Variants in MED27 observed in about 807,000 individuals in gnomAD.
The protein encoded by MED27 is mediator complex subunit 27, also known as mediator of RNA polymerase II transcription subunit 27.
MED27 carries 30 observed loss-of-function variants against 38.2 expected under a neutral mutation model. The observed-to-expected ratio is 0.79, with a 90% confidence interval of 0.59 to 1.07. The LOEUF (loss-of-function observed/expected upper bound fraction) is 1.07. Ranked by LOEUF, MED27 falls within the 50% of genes least tolerant of loss-of-function variation. The pLI is 0.00. For synonymous variants in MED27, 122 were observed against 153.5 expected (o/e 0.79, Z 1.52); for missense variants, 289 against 397.5 (o/e 0.73, Z 2.32).
intron 2 of MED27, among the ~76,000 whole-genome samples, chr9:132,054,965 C>T (rs1350201194): frequency 6.6e-6 from 1 of 152,186 alleles, no homozygotes; most frequent in Non-Finnish European, 1.5e-5. Context: ...AGGGTACCCT[C>T]ACCAGTGCTG....
rs1234983762 is a variant in MED27 at position 131,940,859 on chromosome 9, C to T, written c.480-1385G>A. On this transcript the variant is annotated intron_variant, in intron 3 of 7. Coordinates refer to ENST00000292035, the MANE Select transcript of MED27 (RefSeq NM_004269.4). ...TGGAGATATCCCACCAAAAGGGAAT[C>T]CTCTATTCTTATACCCAGATGAAAC... 5.3e-5 allele frequency among the ~76,000 whole-genome samples: 8 copies of T among 152,218 alleles called. No individual in the cohort carries two copies. In the East Asian group the frequency reaches 1.3e-3, roughly 26 times the overall value.
chr9:131,866,761 C>G (rs144562028), intron 6 of MED27, among the ~76,000 whole-genome samples: 1 of 152,326 alleles, frequency 6.6e-6, no homozygotes, highest in Non-Finnish European at 1.5e-5. Flanking sequence ...TGAGTGATTG[C>G]CATCGTTCAA....
intron 5 of MED27, among the ~76,000 whole-genome samples, chr9:131,885,402 C>T (rs1839121748): frequency 6.6e-6 from 1 of 152,214 alleles, no homozygotes; most frequent in South Asian, 2.1e-4. Flanking sequence ...TGCTCAGTTC[C>T]TCCCCTAGAG....
intron 3 of MED27, among the ~76,000 whole-genome samples, chr9:131,944,023 C>CT (rs917918647): frequency 2.0e-4 from 30 of 152,178 alleles, no homozygotes; most frequent in Non-Finnish European, 1.9e-4. Context: ...TTCCAATCCA[C>CT]TTTTTTCCAG....
rs988788308 is a variant in MED27 at position 131,861,653 on chromosome 9, C to G, written c.802-981G>C. On this transcript the variant is annotated intron_variant, in intron 7 of 7. Coordinates refer to ENST00000292035, the MANE Select transcript of MED27 (RefSeq NM_004269.4). The surrounding 1 kb of genome is among the most constrained non-coding windows in gnomAD (Gnocchi z 4.4). ...TCCCTAAGTAGAAGAAGTTCTGTCT[C>G]TGCCACAAATAGTACTCATGTCTGT... 1.1e-4 allele frequency among the ~76,000 whole-genome samples: 16 copies of G among 152,220 alleles called. No individual in the cohort carries two copies. The highest frequency in any genetic ancestry group is 2.7e-4 in the African/African-American group (11 of 41,454).
At chr9:131,949,213 G>A (rs866949346) in intron 3 of MED27, among the ~76,000 whole-genome samples, 58 of 152,266 alleles carry the variant, frequency 3.8e-4, no homozygotes, top group African/African-American at 1.3e-3. Flanking sequence ...TTCTAGGAAT[G>A]ACATTAAGTA....
At chr9:132,009,918 GT>G (rs1164360223) in intron 3 of MED27, among the ~76,000 whole-genome samples, 1 of 152,180 alleles carries the variant, frequency 6.6e-6, no homozygotes, top group East Asian at 1.9e-4. Context: ...TGATGGGGTT[GT>G]TTTTTCTTGT....
At chr9:131,868,194 A>G (rs543289714) in intron 6 of MED27, among the ~76,000 whole-genome samples, 33 of 152,310 alleles carry the variant, frequency 2.2e-4, no homozygotes, top group African/African-American at 7.2e-4. Context: ...TATAGTAGCT[A>G]TTATTAATAA....
intron 3 of MED27, among the ~76,000 whole-genome samples, chr9:131,955,547 T>C (rs79605625): frequency 6.6e-6 from 1 of 152,150 alleles, no homozygotes; most frequent in South Asian, 2.1e-4. Flanking sequence ...GGAAGATAAT[T>C]TATCAATATC....
chr9:132,015,529 T>C (rs1043373344), intron 2 of MED27, among the ~76,000 whole-genome samples: 2 of 152,068 alleles, frequency 1.3e-5, no homozygotes, highest in South Asian at 2.1e-4. Context: ...GTTTAATGAG[T>C]TTTGACAAAT....
chr9:131,961,680 T>C (rs1831217995), intron 3 of MED27, among the ~76,000 whole-genome samples: 1 of 152,222 alleles, frequency 6.6e-6, no homozygotes, highest in South Asian at 2.1e-4. Flanking sequence ...TTTCGTGAAC[T>C]AGCGAAGGAG....
chr9:131,979,566 T>C (rs547159356), intron 3 of MED27, among the ~76,000 whole-genome samples: 1 of 151,798 alleles, frequency 6.6e-6, no homozygotes, highest in South Asian at 2.1e-4. Flanking sequence ...AGCCTGGTCT[T>C]AATGCTATCT....
chr9:131,909,891 T>C (rs1830156617), intron 4 of MED27, among the ~76,000 whole-genome samples: 1 of 152,228 alleles, frequency 6.6e-6, no homozygotes, highest in African/African-American at 2.4e-5. Flanking sequence ...AATTAAACTG[T>C]AGTTTGTTTG....
rs1011962472 is a variant in MED27 at position 131,917,219 on chromosome 9, G to A, written c.573+22162C>T. 6.6e-6 allele frequency among the ~76,000 whole-genome samples: 1 copy of A among 152,142 alleles called. No individual in the cohort carries two copies. The highest frequency in any genetic ancestry group is 1.5e-5 in the Non-Finnish European group (1 of 68,024). Reference sequence around the variant, plus strand: ...ATACGCTGGCCAGTTCCATAGACTGGAACTGAAATTGTTCCATCCAAACTG... The same window carrying A: ...ATACGCTGGCCAGTTCCATAGACTGAAACTGAAATTGTTCCATCCAAACTG... On this transcript the variant is annotated intron_variant, in intron 4 of 7. Transcript: ENST00000292035. The surrounding 1 kb of genome is among the most constrained non-coding windows in gnomAD (Gnocchi z 4.6).
intron 3 of MED27, among the ~76,000 whole-genome samples, chr9:131,989,065 G>A (rs1185472544): frequency 1.3e-5 from 2 of 152,086 alleles, no homozygotes; most frequent in South Asian, 4.1e-4. Context: ...AGTTCTGAAG[G>A]AGGATCTTCA....
At position 132,062,315 on chromosome 9, in the gene MED27, C is replaced by T. The variant is rs1035534785; in HGVS notation, c.348+15127G>A. On this transcript the variant is annotated intron_variant, in intron 2 of 7. Coordinates refer to ENST00000292035, the MANE Select transcript of MED27 (RefSeq NM_004269.4). ...GGCCATGATGTGGGCAACACGGGAGCGGGCAGGTGGCCTGCAGAAGCACAT... is the reference window on the plus strand; with the variant it reads ...GGCCATGATGTGGGCAACACGGGAGTGGGCAGGTGGCCTGCAGAAGCACAT... Among the ~76,000 whole-genome samples, 23 of 152,218 alleles carry T rather than the reference C, an allele frequency of 1.5e-4. 1 individual carries two copies. Among genetic ancestry groups the T allele is most frequent in the Admixed American group, 1.2e-3 (18 of 15,292 alleles).
At chr9:131,904,373 T>G (rs1443188260) in intron 4 of MED27, among the ~76,000 whole-genome samples, 1 of 151,870 alleles carries the variant, frequency 6.6e-6, no homozygotes, top group East Asian at 1.9e-4. Context: ...TTAAACACCC[T>G]GCCTAATAAG....
intron 2 of MED27, among the ~76,000 whole-genome samples, chr9:132,049,734 C>T (rs899013829): frequency 3.9e-5 from 6 of 152,202 alleles, no homozygotes; most frequent in African/African-American, 1.4e-4. Context: ...CGAAGCTGCA[C>T]ACTTAATCTC....
rs1466905302 is a variant in MED27, at chr9:132,053,475, C to A, written c.348+23967G>T. On this transcript the variant is annotated intron_variant, in intron 2 of 7. Transcript: ENST00000292035. ...ACAAAAAAAAAAGGAAAAGGAAAGTCTATTGAGAGGCTTACTATGTCCCAA... is the reference window on the plus strand; with the variant it reads ...ACAAAAAAAAAAGGAAAAGGAAAGTATATTGAGAGGCTTACTATGTCCCAA... Among the ~76,000 whole-genome samples, 3 of 152,188 alleles carry A rather than the reference C, an allele frequency of 2.0e-5. No individual in the cohort carries two copies. The East Asian group carries it at 5.8e-4, about 29-fold the overall frequency.
Sources: allele counts gnomAD v4.1 joint callset (sites outside exome capture counted in the v4.1 genomes callset), GRCh38; gene constraint gnomAD v4.1.1; non-coding constraint Gnocchi (gnomAD v3.1); transcripts MANE v1.5; gene names NCBI Gene and HGNC (gene_info 2026-07-23, HGNC 2026-07-21).